TGFB3: variants seen among roughly 807,000 people sequenced by gnomAD.
TGFB3 encodes transforming growth factor beta-3 proprotein.
A neutral mutation model predicts 40.1 loss-of-function variants in TGFB3; 5 were observed. That is an observed-to-expected ratio of 0.12 (90% confidence interval 0.07 to 0.26). TGFB3 has a LOEUF of 0.26. TGFB3 is among the 10% of genes least tolerant of loss of function. The probability of loss-of-function intolerance (pLI) is 1.00; values close to 1 mark genes in which losing one functional copy is unlikely to be tolerated. For synonymous variants in TGFB3, 184 were observed against 205.6 expected (o/e 0.89, Z 0.90); for missense variants, 373 against 530.1 (o/e 0.70, Z 2.91).
rs187096797 is a variant in TGFB3, at chr14:75,978,722, T to C, written c.352+1820A>G. On this transcript the variant is annotated intron_variant, in intron 1 of 6. Coordinates refer to ENST00000238682, the MANE Select transcript of TGFB3 (RefSeq NM_003239.5). This position sits in a 1 kb window ranked among gnomAD's most constrained non-coding sequence, Gnocchi z 5.0. The stretch of plus-strand genomic sequence containing the variant: ...GGCTTTTCCCAAGGACATCTGCTAT[T>C]TGTGCTTTGAGTCTGCACAAAATCA... Among the ~76,000 whole-genome samples, 65 of 152,368 alleles carry C rather than the reference T, an allele frequency of 4.3e-4. No homozygotes were observed. The highest frequency in any genetic ancestry group is 6.5e-4 in the Non-Finnish European group (44 of 68,042).
At chr14:75,967,734 T>C (rs1438260296) in intron 3 of TGFB3, among the ~76,000 whole-genome samples, 1 of 152,096 alleles carries the variant, frequency 6.6e-6, no homozygotes, top group East Asian at 1.9e-4. Context: ...AGAACTATTA[T>C]CCCCCATTGT....
At chr14:75,982,402 G>A (rs2035447174), upstream of TGFB3, among the ~76,000 whole-genome samples, 1 of 152,160 alleles carries the variant, frequency 6.6e-6, no homozygotes, top group Non-Finnish European at 1.5e-5. This position sits in a 1 kb window ranked among gnomAD's most constrained non-coding sequence, Gnocchi z 4.0. Context: ...GTCCGCAGAG[G>A]GCGCGGGACC....
intron 5 of TGFB3, 71 bp from the exon 6 acceptor site, chr14:75,961,147 T>G: frequency 6.4e-7 from 1 of 1,561,956 alleles, no homozygotes; most frequent in Non-Finnish European, 8.7e-7. Flanking sequence ...AATGCTCTCA[T>G]ATTCTCCCTT....
At chr14:75,975,504 T>A (rs2035343767) in intron 1 of TGFB3, among the ~76,000 whole-genome samples, 1 of 152,224 alleles carries the variant, frequency 6.6e-6, no homozygotes, top group African/African-American at 2.4e-5. Context: ...ATCGTATACA[T>A]AAATAAGCAA....
chr14:75,976,348 T>C (rs1156312915), intron 1 of TGFB3, among the ~76,000 whole-genome samples: 3 of 152,196 alleles, frequency 2.0e-5, no homozygotes, highest in Non-Finnish European at 4.4e-5. Context: ...CAGATGATTC[T>C]AACGTGCAGC....
intron 6 of TGFB3, 63 bp downstream of exon 6, chr14:75,960,860 T>C: frequency 1.2e-5 from 19 of 1,607,280 alleles, no homozygotes; most frequent in Non-Finnish European, 1.5e-5. Context: ...TCACTCATTC[T>C]TTTTAACAAG....
chr14:75,963,588 A>G, intron 4 of TGFB3, 101 bp from the exon 5 acceptor site: 1 of 1,433,814 alleles, frequency 7.0e-7, no homozygotes, highest in Non-Finnish European at 9.8e-7. Flanking sequence ...GAGGAGGGGC[A>G]GTGCAGTCTG....
At chr14:75,961,148 A>T in intron 5 of TGFB3, 72 bp from the exon 6 acceptor site, 1 of 1,563,102 alleles carries the variant, frequency 6.4e-7, no homozygotes, top group Non-Finnish European at 8.7e-7. Flanking sequence ...ATGCTCTCAT[A>T]TTCTCCCTTG....
intron 4 of TGFB3, 101 bp downstream of exon 4, chr14:75,965,487 T>C: frequency 1.0e-6 from 1 of 975,948 alleles, no homozygotes; most frequent in Non-Finnish European, 1.7e-6. Context: ...TGAAGGAGCT[T>C]GGTTTCTTTT....
rs374147824 is a variant in TGFB3, at chr14:75,979,752, G to A, written c.352+790C>T. 7.7e-6 allele frequency among the ~76,000 whole-genome samples: 1 copy of A among 130,402 alleles called. No homozygotes were observed. Among genetic ancestry groups the A allele is most frequent in the Non-Finnish European group, 1.6e-5 (1 of 63,070 alleles). The allele number at this position is 130,402 out of a possible 152,430, so 85.5% of individuals were successfully genotyped here. A position where few individuals can be genotyped will look rare whatever the true frequency, so the allele number is the denominator to read the frequency against. On this transcript the variant is annotated intron_variant, in intron 1 of 6. Transcript: ENST00000238682. This position sits in a 1 kb window ranked among gnomAD's most constrained non-coding sequence, Gnocchi z 4.8. Reference sequence around the variant, plus strand: ...CCCTCCACCCGCTCTCCCGTGACACGCAGACACAAAGGGCGCCAGCCTCCT... The same window carrying A: ...CCCTCCACCCGCTCTCCCGTGACACACAGACACAAAGGGCGCCAGCCTCCT...
At position 75,971,411 on chromosome 14, in the gene TGFB3, G is replaced by A; in HGVS notation, c.516+144C>T. On this transcript the variant is annotated intron_variant, in intron 2 of 6. Transcript: ENST00000238682. This position sits in a 1 kb window ranked among gnomAD's most constrained non-coding sequence, Gnocchi z 4.5. ...TTAGCTAACTCTTAAGTGTTTTAAT[G>A]ACAGACACAGATACGGAAACGAAGG... 1 of 1,514,032 alleles carries A rather than the reference G, an allele frequency of 6.6e-7. No homozygotes were observed. The highest frequency in any genetic ancestry group is 9.0e-7 in the Non-Finnish European group (1 of 1,110,020). 93.8% of individuals were successfully genotyped at this position (1,514,032 alleles called of 1,614,324 possible). A position where few individuals can be genotyped will look rare whatever the true frequency, so the allele number is the denominator to read the frequency against.
upstream of TGFB3, among the ~76,000 whole-genome samples, chr14:75,982,481 G>A (rs918680195): frequency 6.6e-6 from 1 of 152,220 alleles, no homozygotes; most frequent in African/African-American, 2.4e-5. This position sits in a 1 kb window ranked among gnomAD's most constrained non-coding sequence, Gnocchi z 4.0. Flanking sequence ...GAGGGTCGGC[G>A]TCCGCTCCGC....
rs1299759608 is a variant in TGFB3, at chr14:75,963,326, A to G, written c.916T>C (p.Tyr306His). 3.1e-6 allele frequency: 5 copies of G among 1,614,046 alleles called. No individual in the cohort carries two copies. The highest frequency in any genetic ancestry group is 4.2e-6 in the Non-Finnish European group (5 of 1,179,982). The change falls in exon 5 of 7, where the codon TAC becomes CAC. Residue 306 changes from tyrosine to histidine, a missense_variant. Tyr to His is a moderately conservative substitution (Grantham distance 83, BLOSUM62 2). Coordinates refer to ENST00000238682, the MANE Select transcript of TGFB3 (RefSeq NM_003239.5). ...QRKKRALDTN[Y>H]CFRNLEENCC... The stretch of plus-strand genomic sequence containing the variant: ...TGGGCCCAGTCTCACCGGAAGCAGT[A>G]ATTGGTGTCCAAAGCCCGCTTCTTC...
At chr14:75,967,978 G>A (rs984217059) in intron 3 of TGFB3, among the ~76,000 whole-genome samples, 1 of 152,176 alleles carries the variant, frequency 6.6e-6, no homozygotes, top group Non-Finnish European at 1.5e-5. Flanking sequence ...GAGCCATGAT[G>A]CTGAGAGGCT....
chr14:75,968,915 A>G (rs547053855), intron 3 of TGFB3, among the ~76,000 whole-genome samples: 1 of 152,324 alleles, frequency 6.6e-6, no homozygotes, highest in South Asian at 2.1e-4. Flanking sequence ...GAGCCAGCAC[A>G]TGATGCTAAA....
chr14:75,973,704 G>C (rs1431562174), intron 1 of TGFB3, among the ~76,000 whole-genome samples: 1 of 152,206 alleles, frequency 6.6e-6, no homozygotes, highest in East Asian at 1.9e-4. Flanking sequence ...CCAGGATTGT[G>C]CCACTGCACT....
Position 75,965,566 on chromosome 14 carries a change from CCATACA to C in TGFB3, c.754+16_754+21del. The stretch of plus-strand genomic sequence containing the variant: ...ACTTCCCCCCCACTCACCCATCCTA[CCATACA>C]CATTCATTTTGTTACCTTTGAATTT... On this transcript the variant is annotated intron_variant, in intron 4 of 6. Coordinates refer to ENST00000238682, the MANE Select transcript of TGFB3 (RefSeq NM_003239.5). 1 of 1,589,936 alleles carries C rather than the reference CCATACA, an allele frequency of 6.3e-7. No homozygotes were observed. Among genetic ancestry groups the C allele is most frequent in the Non-Finnish European group, 8.6e-7 (1 of 1,158,098 alleles).
intron 3 of TGFB3, 105 bp from the exon 4 acceptor site, chr14:75,965,800 T>C (rs921189258): frequency 1.1e-6 from 1 of 894,712 alleles, no homozygotes; most frequent in Non-Finnish European, 1.9e-6. Flanking sequence ...CTATAGGGAC[T>C]CATAGGAACT....
Position 75,980,392 on chromosome 14 carries a change from C to T in TGFB3, c.352+150G>A. On this transcript the variant is annotated intron_variant, in intron 1 of 6. Coordinates refer to ENST00000238682, the MANE Select transcript of TGFB3 (RefSeq NM_003239.5). The surrounding 1 kb of genome is among the most constrained non-coding windows in gnomAD (Gnocchi z 4.3). ...CCTTCCCCACCCACCTCCCCAGCCC[C>T]AACGGAGGAGCATCGCACATCCTGA... 1 of 858,280 alleles carries T rather than the reference C, an allele frequency of 1.2e-6. No individual in the cohort carries two copies. Among genetic ancestry groups the T allele is most frequent in the Non-Finnish European group, 1.9e-6 (1 of 520,708 alleles). 53.2% of individuals were successfully genotyped at this position (858,280 alleles called of 1,614,324 possible). A position where few individuals can be genotyped will look rare whatever the true frequency, so the allele number is the denominator to read the frequency against.
Sources: gnomAD v4.1 joint callset for allele counts (sites outside exome capture counted in the v4.1 genomes callset) on GRCh38, gnomAD v4.1.1 for gene constraint, Gnocchi (gnomAD v3.1) non-coding constraint, MANE v1.5 for transcripts, NCBI Gene and HGNC (gene_info 2026-07-23, HGNC 2026-07-21) for gene names.